The following HMGA2 variants were observed in gnomAD, a reference collection of about 807,000 sequenced individuals.
HMGA2 encodes high mobility group protein HMGI-C.
In HMGA2, 8 loss-of-function variants were observed where a neutral mutation model predicts 19.1. That is an observed-to-expected ratio of 0.42 (90% CI 0.25 to 0.76). HMGA2 has a LOEUF of 0.76. Among genes scored for constraint, HMGA2 ranks in the 30% least tolerant of loss-of-function variants. The pLI is 0.28. For synonymous variants in HMGA2, 60 were observed against 48.8 expected (o/e 1.23, Z -0.96); for missense variants, 109 against 136.3 (o/e 0.80, Z 1.00).
At chr12:65,833,341 G>A (rs984388470) in intron 2 of HMGA2, among the ~76,000 whole-genome samples, 7 of 151,526 alleles carry the variant, frequency 4.6e-5, no homozygotes, top group South Asian at 2.1e-4. Context: ...CTAGGCTTTG[G>A]ATAGTGGGCT....
chr12:65,830,938 C>A (rs1185204590), intron 2 of HMGA2: 1 of 151,848 alleles, frequency 6.6e-6, no homozygotes, highest in Non-Finnish European at 1.5e-5. Flanking sequence ...CTATGCATGA[C>A]CATTGTGTAA....
At chr12:65,838,318 A>G (rs1870821125) in intron 2 of HMGA2, among the ~76,000 whole-genome samples, 2 of 151,874 alleles carry the variant, frequency 1.3e-5, no homozygotes, top group African/African-American at 4.8e-5. Flanking sequence ...TCTTTACATC[A>G]TGCAATGAAG....
At chr12:65,947,211 C>T (rs1876299390) in intron 3 of HMGA2, among the ~76,000 whole-genome samples, 1 of 151,952 alleles carries the variant, frequency 6.6e-6, no homozygotes, top group Admixed American at 6.6e-5. Context: ...CCATAACCTC[C>T]TAGGCTCAAG....
At position 65,887,828 on chromosome 12, in the gene HMGA2, T is replaced by C. The variant is rs182740957; in HGVS notation, c.249+49259T>C. ...TCTTTGGAGTTGCGTCATTAGGAGC[T>C]TTACAGTAAGATATCTTACTAGCCA... On this transcript the variant is annotated intron_variant, in intron 3 of 4. Coordinates refer to ENST00000403681, the MANE Select transcript of HMGA2 (RefSeq NM_003483.6). 2.9e-3 allele frequency among the ~76,000 whole-genome samples: 434 copies of C among 152,026 alleles called. 4 individuals are homozygous for C. The highest frequency in any genetic ancestry group is 9.8e-3 in the African/African-American group (406 of 41,450).
chr12:65,952,936 T>G (rs1182466105), intron 4 of HMGA2: 1 of 152,934 alleles, frequency 6.5e-6, no homozygotes, highest in Non-Finnish European at 1.5e-5. Context: ...CTGTGTCCTA[T>G]CCAGTGGTAT....
At chr12:65,909,123 C>G (rs184771971) in intron 3 of HMGA2, among the ~76,000 whole-genome samples, 112 of 152,254 alleles carry the variant, frequency 7.4e-4, no homozygotes, top group Admixed American at 4.9e-3. Flanking sequence ...AATAATCACA[C>G]ATTAGCAATG....
intron 3 of HMGA2, chr12:65,882,209 G>A (rs995221120): frequency 2.7e-5 from 9 of 333,178 alleles, no homozygotes; most frequent in Non-Finnish European, 4.7e-5. Flanking sequence ...CTGCTATTTC[G>A]GAGGCTCCTG....
chr12:65,843,697 C>A (rs1004624099), intron 3 of HMGA2, among the ~76,000 whole-genome samples: 1 of 148,758 alleles, frequency 6.7e-6, no homozygotes, highest in Non-Finnish European at 1.5e-5. Flanking sequence ...CACACACACA[C>A]AAGCACACAC....
intron 3 of HMGA2, 104 bp downstream of exon 3, chr12:65,838,673 T>C (rs1870847137): frequency 3.7e-6 from 3 of 810,136 alleles, no homozygotes; most frequent in Admixed American, 2.2e-5. Flanking sequence ...TTCCAACTTC[T>C]GGTTTGATGA....
At chr12:65,959,880 CT>C (rs1307772493) in intron 4 of HMGA2, among the ~76,000 whole-genome samples, 1 of 152,030 alleles carries the variant, frequency 6.6e-6, no homozygotes, top group Non-Finnish European at 1.5e-5. Context: ...ACGGCCATGT[CT>C]TTTTTTCTTT....
chr12:65,883,702 G>C (rs1284996591), intron 3 of HMGA2, among the ~76,000 whole-genome samples: 2 of 152,120 alleles, frequency 1.3e-5, no homozygotes, highest in Non-Finnish European at 2.9e-5. Context: ...TTTGAAAATT[G>C]TAAATATTTC....
chr12:65,913,898 C>G (rs1874955542), intron 3 of HMGA2, among the ~76,000 whole-genome samples: 2 of 152,206 alleles, frequency 1.3e-5, no homozygotes, highest in Admixed American at 1.3e-4. Context: ...CATCAGTTCA[C>G]TATTTCCTGG....
intron 3 of HMGA2, among the ~76,000 whole-genome samples, chr12:65,931,308 A>T (rs1875701767): frequency 6.6e-6 from 1 of 152,174 alleles, no homozygotes; most frequent in African/African-American, 2.4e-5. Flanking sequence ...AAGAGGGAAA[A>T]CATAATTTCA....
At chr12:65,922,020 GTAT>G (rs1875331844) in intron 3 of HMGA2, among the ~76,000 whole-genome samples, 4 of 152,336 alleles carry the variant, frequency 2.6e-5, no homozygotes, top group African/African-American at 7.2e-5. Context: ...TTCAGAAGAT[GTAT>G]GAAAACACCT....
chr12:65,950,922 A>C (rs139136675), intron 3 of HMGA2, among the ~76,000 whole-genome samples: 3 of 152,238 alleles, frequency 2.0e-5, no homozygotes, highest in Non-Finnish European at 2.9e-5. Flanking sequence ...TAGAGAGATC[A>C]TGAATAGACA....
chr12:65,888,540 G>A (rs866033431), intron 3 of HMGA2, among the ~76,000 whole-genome samples: 78 of 143,864 alleles, frequency 5.4e-4, no homozygotes, highest in African/African-American at 1.9e-3. Context: ...GGAATAGAGT[G>A]CCCGTGGTGT....
At chr12:65,944,357 G>A (rs938227406) in intron 3 of HMGA2, among the ~76,000 whole-genome samples, 5 of 152,176 alleles carry the variant, frequency 3.3e-5, no homozygotes, top group African/African-American at 9.7e-5. Context: ...TAGAGTTCAG[G>A]TGGATTTGGA....
At chr12:65,883,013 T>C (rs1175589627) in intron 3 of HMGA2, among the ~76,000 whole-genome samples, 1 of 152,228 alleles carries the variant, frequency 6.6e-6, no homozygotes, top group African/African-American at 2.4e-5. Context: ...AGGAAGCAGG[T>C]AATGTGAGCC....
chr12:65,847,431 T>G (rs1439443002), intron 3 of HMGA2, among the ~76,000 whole-genome samples: 1 of 152,200 alleles, frequency 6.6e-6, no homozygotes. Context: ...TCACCAGGTC[T>G]TATAGCAACT....
Sources: allele counts gnomAD v4.1 joint callset (sites outside exome capture counted in the v4.1 genomes callset), GRCh38; gene constraint gnomAD v4.1.1; transcripts MANE v1.5; gene names NCBI Gene and HGNC (gene_info 2026-07-23, HGNC 2026-07-21).